SESTD1: variants seen among roughly 807,000 people sequenced by gnomAD.
SESTD1 encodes the protein SEC14 and spectrin domain containing 1, also known as SEC14 domain and spectrin repeat-containing protein 1.
A neutral mutation model predicts 101.7 loss-of-function variants in SESTD1; 43 were observed. The ratio of observed to expected loss-of-function variants is 0.42; its 90% CI spans 0.33 to 0.55. The LOEUF (loss-of-function observed/expected upper bound fraction) is 0.55. Among genes scored for constraint, SESTD1 ranks in the 20% least tolerant of loss-of-function variants. SESTD1 has a pLI of 0.07. For missense variants in SESTD1, 647 were observed against 815.1 expected (o/e 0.79, Z 2.51); for synonymous variants, 283 against 286.8 (o/e 0.99, Z 0.13).
At position 179,149,311 on chromosome 2, in the gene SESTD1, C is replaced by T; in HGVS notation, c.567G>A (p.Gln189=). The T allele has an allele frequency of 6.2e-7, 1 of 1,610,054 alleles. No homozygotes were observed. The highest frequency in any genetic ancestry group is 8.5e-7 in the Non-Finnish European group (1 of 1,178,650). ...LINNGSDKGN[Q]QEKERSVDLN... ...TAGCCACCTACCTTTCTTTCTCTTGCTGATTTCCTTTATCACTTCCATTGT... is the reference window on the plus strand; with the variant it reads ...TAGCCACCTACCTTTCTTTCTCTTGTTGATTTCCTTTATCACTTCCATTGT... Residue 189 remains glutamine (Q), a synonymous_variant, in exon 7 of 18, where the codon CAG becomes CAA. Coordinates refer to ENST00000428443, the MANE Select transcript of SESTD1 (RefSeq NM_178123.5).
In SESTD1 at chr2:179,116,483, C is replaced by G. The variant is rs139968585; in HGVS notation, c.1647+185G>C. ...CATGCAGAACATGTATTCAGGGAAA[C>G]GTAAACCCTCTCAAGTTTATGCAGG... On this transcript the variant is annotated intron_variant, in intron 15 of 17. Transcript: ENST00000428443. 3 of 827,838 alleles carry G rather than the reference C, an allele frequency of 3.6e-6. No homozygotes were observed. The African/African-American group carries it at 5.1e-5, about 14-fold the overall frequency. The allele number at this position is 827,838 out of a possible 1,614,324, so 51.3% of individuals were successfully genotyped here.
At chr2:179,211,254 C>A (rs559239877) in intron 1 of SESTD1, among the ~76,000 whole-genome samples, 1 of 132,944 alleles carries the variant, frequency 7.5e-6, no homozygotes, top group Non-Finnish European at 1.6e-5. Flanking sequence ...TCTATAAATT[C>A]AATGCAATTC....
intron 1 of SESTD1, among the ~76,000 whole-genome samples, chr2:179,243,882 A>G (rs1041006661): frequency 2.0e-5 from 3 of 151,826 alleles, no homozygotes; most frequent in East Asian, 1.9e-4. Context: ...AACAAACTAC[A>G]TATGTACCCC....
chr2:179,155,348 T>C (rs1360663223), intron 5 of SESTD1, among the ~76,000 whole-genome samples: 3 of 152,144 alleles, frequency 2.0e-5, no homozygotes, highest in African/African-American at 4.8e-5. Context: ...TAACTATATA[T>C]ACTAAGAATG....
rs970610752 is a variant in SESTD1 at position 179,203,530 on chromosome 2, G to A, written c.-25-11664C>T. On this transcript the variant is annotated intron_variant, in intron 1 of 17. Transcript: ENST00000428443. The stretch of plus-strand genomic sequence containing the variant: ...CAGAGAGGCCATGGAAGGTCCCCAT[G>A]CCTCCTCCCCCGATACCTTGCATTA... Among the ~76,000 whole-genome samples the A allele has an allele frequency of 4.5e-5, 6 of 134,282 alleles. 1 individual carries two copies. Among genetic ancestry groups the A allele is most frequent in the African/African-American group, 8.9e-5 (3 of 33,814 alleles). The allele number at this position is 134,282 out of a possible 152,430, so 88.1% of individuals were successfully genotyped here.
chr2:179,221,809 AC>A lies in SESTD1; in HGVS notation c.-25-29944del, dbSNP rs1259052955. 4.6e-5 allele frequency among the ~76,000 whole-genome samples: 7 copies of A among 151,600 alleles called. No homozygotes were observed. The South Asian group carries it at 1.5e-3, about 32-fold the overall frequency. ...GGTATGCACCTGTGTGGTCCCAGCT[AC>A]TCAGGAGTCTGAGGTGAGAGGATCC... On this transcript the variant is annotated intron_variant, in intron 1 of 17. Transcript: ENST00000428443.
chr2:179,225,605 C>G (rs2046873545), intron 1 of SESTD1, among the ~76,000 whole-genome samples: 1 of 152,082 alleles, frequency 6.6e-6, no homozygotes, highest in Non-Finnish European at 1.5e-5. Flanking sequence ...GTTAAGAAGT[C>G]CATGATCAAG....
intron 2 of SESTD1, among the ~76,000 whole-genome samples, chr2:179,189,533 C>A (rs1462585990): frequency 1.3e-5 from 2 of 152,100 alleles, no homozygotes; most frequent in Non-Finnish European, 1.5e-5. Flanking sequence ...GCCACTCTCA[C>A]CACTTGTATT....
chr2:179,106,637 C>T lies in SESTD1; in HGVS notation c.*3262G>A, dbSNP rs940285550. The T allele has an allele frequency of 1.3e-5, 2 of 152,134 alleles. No individual in the cohort carries two copies. The highest frequency in any genetic ancestry group is 2.9e-5 in the Non-Finnish European group (2 of 68,018). The allele number at this position is 152,134 out of a possible 1,614,324, so 9.4% of individuals were successfully genotyped here. ...ACAAACATGTTAAGACTAGCTAACA[C>T]ATGGGAGCAATAGCCAATGTAAATT... On this transcript the variant is annotated 3_prime_UTR_variant, in exon 18 of 18. Coordinates refer to ENST00000428443, the MANE Select transcript of SESTD1 (RefSeq NM_178123.5).
At chr2:179,154,558 A>C (rs1244986633) in intron 5 of SESTD1, among the ~76,000 whole-genome samples, 1 of 152,196 alleles carries the variant, frequency 6.6e-6, no homozygotes, top group Non-Finnish European at 1.5e-5. Flanking sequence ...TCTCATGATC[A>C]AGGAACACAT....
chr2:179,174,946 A>T (rs1010926274), intron 4 of SESTD1, among the ~76,000 whole-genome samples: 61 of 146,064 alleles, frequency 4.2e-4, no homozygotes, highest in Admixed American at 2.2e-3. Flanking sequence ...CTGATATAAA[A>T]AAAAAAAAAA....
At position 179,105,544 on chromosome 2, in the gene SESTD1, G is replaced by A. The variant is rs2044363415; in HGVS notation, c.*4355C>T. The A allele has an allele frequency of 6.6e-6, 1 of 152,074 alleles. No individual in the cohort carries two copies. Among genetic ancestry groups the A allele is most frequent in the Non-Finnish European group, 1.5e-5 (1 of 68,014 alleles). The allele number at this position is 152,074 out of a possible 1,614,324, so 9.4% of individuals were successfully genotyped here. ...ACGGTGAAGGGGTGGTGGAACTAAG[G>A]GGGTGGGGCGGCGAACATAGGCAAT... On this transcript the variant is annotated 3_prime_UTR_variant, in exon 18 of 18. Coordinates refer to ENST00000428443, the MANE Select transcript of SESTD1 (RefSeq NM_178123.5).
chr2:179,121,936 C>T lies in SESTD1; in HGVS notation c.1283-7G>A, dbSNP rs778803389. The T allele has an allele frequency of 3.8e-6, 6 of 1,593,246 alleles. No individual in the cohort carries two copies. The highest frequency in any genetic ancestry group is 1.7e-4 in the Middle Eastern group (1 of 5,944). ...AAACCTTGCAATCCCACATCTAAAA[C>T]AAAAGTTACTAGATTTAATCTCTTA... On this transcript the variant is annotated splice_region_variant and splice_polypyrimidine_tract_variant and intron_variant, in intron 12 of 17. Transcript: ENST00000428443.
At chr2:179,204,123 T>C (rs76489106) in intron 1 of SESTD1, among the ~76,000 whole-genome samples, 10,124 of 133,024 alleles carry the variant, frequency 0.076, 2,218 homozygotes, top group South Asian at 0.18. Context: ...TATATATATA[T>C]ACACACACAT....
intron 1 of SESTD1, among the ~76,000 whole-genome samples, chr2:179,259,782 AT>A (rs2047456175): frequency 6.6e-6 from 1 of 152,228 alleles, no homozygotes; most frequent in South Asian, 2.1e-4. Flanking sequence ...CTAGAAACTA[AT>A]GTCTTTCTTC....
rs566739758 is a variant in SESTD1, at chr2:179,242,408, T to A, written c.-26+22091A>T. The stretch of plus-strand genomic sequence containing the variant: ...TACTGCCCAAAGCAATCTACAGATT[T>A]AATGCAATTCCTATCAAACAACCAA... On this transcript the variant is annotated intron_variant, in intron 1 of 17. Transcript: ENST00000428443. Among the ~76,000 whole-genome samples the A allele has an allele frequency of 2.2e-3, 337 of 152,304 alleles. 3 individuals are homozygous for A. The highest frequency in any genetic ancestry group is 7.5e-3 in the African/African-American group (311 of 41,570).
At chr2:179,197,201 G>A (rs1220187578) in intron 1 of SESTD1, among the ~76,000 whole-genome samples, 1 of 152,092 alleles carries the variant, frequency 6.6e-6, no homozygotes, top group Non-Finnish European at 1.5e-5. Context: ...CTGGAAGAAA[G>A]GGTATCAGCT....
chr2:179,112,705 A>G lies in SESTD1; in HGVS notation c.1961+19T>C. 3.2e-6 allele frequency: 5 copies of G among 1,572,560 alleles called. No individual in the cohort carries two copies. The highest frequency in any genetic ancestry group is 1.2e-5 in the South Asian group (1 of 84,120). ...GACCACACCAATAAAAAATAAAATTATAAGAACATGCCCCATACCCATCAG... is the reference window on the plus strand; with the variant it reads ...GACCACACCAATAAAAAATAAAATTGTAAGAACATGCCCCATACCCATCAG... On this transcript the variant is annotated intron_variant, in intron 17 of 17. Transcript: ENST00000428443.
At chr2:179,119,591 T>A (rs1005220944) in intron 13 of SESTD1, among the ~76,000 whole-genome samples, 2 of 152,180 alleles carry the variant, frequency 1.3e-5, no homozygotes, top group Non-Finnish European at 2.9e-5. Flanking sequence ...CCTGCAAAGC[T>A]GTGAGTCAAT....
Sources: gnomAD v4.1 joint callset for allele counts (sites outside exome capture counted in the v4.1 genomes callset) on GRCh38, gnomAD v4.1.1 for gene constraint, MANE v1.5 for transcripts, NCBI Gene and HGNC (gene_info 2026-07-23, HGNC 2026-07-21) for gene names.